The following SLCO6A1 variants were observed in gnomAD, a reference collection of about 807,000 sequenced individuals.
SLCO6A1 encodes the protein cancer/testis antigen 48.
SLCO6A1 carries 65 observed loss-of-function variants against 72.7 expected under a neutral mutation model. That is an observed-to-expected ratio of 0.89 (90% CI 0.73 to 1.10). The LOEUF (loss-of-function observed/expected upper bound fraction) is 1.10. Ranked by LOEUF, SLCO6A1 falls within the 50% of genes least tolerant of loss-of-function variation. The pLI, the probability that SLCO6A1 is intolerant of heterozygous loss-of-function variation, is 0.00. For synonymous variants in SLCO6A1, 314 were observed against 298.2 expected (o/e 1.05, Z -0.55); for missense variants, 874 against 872.6 (o/e 1.00, Z -0.02).
chr5:102,415,019 GA>G (rs1748205824), intron 8 of SLCO6A1, among the ~76,000 whole-genome samples: 1 of 151,862 alleles, frequency 6.6e-6, no homozygotes, highest in Non-Finnish European at 1.5e-5. Context: ...CAAGGTGAAA[GA>G]TCTCTATAAG....
rs773882296 is a variant in SLCO6A1 at position 102,458,372 on chromosome 5, T to G, written c.1131+10A>C. On this transcript the variant is annotated intron_variant, in intron 6 of 13. Transcript: ENST00000506729. ...TAGTTGGATTGTTCAAGTAAAATATTTTACTTTACCCAAAGAGCAGCACAT... is the reference window on the plus strand; with the variant it reads ...TAGTTGGATTGTTCAAGTAAAATATGTTACTTTACCCAAAGAGCAGCACAT... 6.3e-7 allele frequency: 1 copy of G among 1,579,200 alleles called. No homozygotes were observed. Among genetic ancestry groups the G allele is most frequent in the Non-Finnish European group, 8.7e-7 (1 of 1,155,348 alleles).
intron 6 of SLCO6A1, among the ~76,000 whole-genome samples, chr5:102,442,769 A>G (rs1165081473): frequency 6.6e-6 from 1 of 152,238 alleles, no homozygotes; most frequent in East Asian, 1.9e-4. Flanking sequence ...ATTCATAAAG[A>G]AATGAGACAA....
intron 4 of SLCO6A1, among the ~76,000 whole-genome samples, chr5:102,472,071 T>C (rs2112803770): frequency 6.6e-6 from 1 of 152,172 alleles, no homozygotes; most frequent in South Asian, 2.1e-4. Flanking sequence ...TGACTCTCAG[T>C]GGCAAAACCC....
At position 102,407,331 on chromosome 5, in the gene SLCO6A1, C is replaced by T. The variant is rs1160321880; in HGVS notation, c.1626+5659G>A. 2.6e-5 allele frequency among the ~76,000 whole-genome samples: 4 copies of T among 152,106 alleles called. No individual in the cohort carries two copies. The East Asian group carries it at 7.7e-4, about 29-fold the overall frequency. On this transcript the variant is annotated intron_variant, in intron 9 of 13. Coordinates refer to ENST00000506729, the MANE Select transcript of SLCO6A1 (RefSeq NM_173488.5). ...AGTGGATATAAATATACCTGCAGACCGGCCTCTGAGCTGTTACTGTGGGCA... is the reference window on the plus strand; with the variant it reads ...AGTGGATATAAATATACCTGCAGACTGGCCTCTGAGCTGTTACTGTGGGCA...
chr5:102,448,678 T>C (rs1311634913), intron 6 of SLCO6A1, among the ~76,000 whole-genome samples: 1 of 152,162 alleles, frequency 6.6e-6, no homozygotes, highest in African/African-American at 2.4e-5. Context: ...TCGTCTGAAA[T>C]AAGAATAGCA....
chr5:102,437,877 T>C lies in SLCO6A1; in HGVS notation c.1276+740A>G, dbSNP rs530522249. 2.6e-5 allele frequency among the ~76,000 whole-genome samples: 4 copies of C among 152,278 alleles called. No homozygotes were observed. The South Asian group carries it at 8.3e-4, about 32-fold the overall frequency. ...ATCCTTGACCTTTTACACCCTAAAA[T>C]AAATCATTGCATTTACAACTTTCCT... On this transcript the variant is annotated intron_variant, in intron 7 of 13. Transcript: ENST00000506729.
intron 7 of SLCO6A1, among the ~76,000 whole-genome samples, chr5:102,427,858 ATATATATTTTTTT>A (rs1407708799): frequency 3.9e-4 from 45 of 116,168 alleles, no homozygotes; most frequent in African/African-American, 1.9e-3. Flanking sequence ...ATATATATAT[ATATATATTTTTTT>A]TTTTTTTTTT....
chr5:102,420,468 G>A (rs1184243450), intron 7 of SLCO6A1, among the ~76,000 whole-genome samples: 1 of 151,970 alleles, frequency 6.6e-6, no homozygotes, highest in Non-Finnish European at 1.5e-5. Context: ...ATGAATGAAC[G>A]TTCAATATTA....
chr5:102,429,307 A>C (rs1749083365), intron 7 of SLCO6A1, among the ~76,000 whole-genome samples: 1 of 152,160 alleles, frequency 6.6e-6, no homozygotes, highest in Non-Finnish European at 1.5e-5. Context: ...CTTAAGTTTA[A>C]TTAGATCCCA....
At chr5:102,428,223 A>C (rs1749024733) in intron 7 of SLCO6A1, among the ~76,000 whole-genome samples, 1 of 152,026 alleles carries the variant, frequency 6.6e-6, no homozygotes, top group Non-Finnish European at 1.5e-5. Flanking sequence ...TTCAAAAAAT[A>C]GTTCTTGAAA....
At chr5:102,489,986 C>A (rs934646521) in intron 1 of SLCO6A1, among the ~76,000 whole-genome samples, 1 of 152,096 alleles carries the variant, frequency 6.6e-6, no homozygotes, top group Non-Finnish European at 1.5e-5. Context: ...ATAAGCCAGA[C>A]ATGGAAAGAC....
At chr5:102,389,798 ACTGTTAGACTT>A (rs1481823268) in intron 11 of SLCO6A1, among the ~76,000 whole-genome samples, 3 of 151,844 alleles carry the variant, frequency 2.0e-5, no homozygotes, top group Non-Finnish European at 4.4e-5. Context: ...CTTTAATATA[ACTGTTAGACTT>A]CAGCAAAAGC....
chr5:102,446,185 G>A (rs1359087076), intron 6 of SLCO6A1, among the ~76,000 whole-genome samples: 1 of 152,084 alleles, frequency 6.6e-6, no homozygotes, highest in Non-Finnish European at 1.5e-5. Flanking sequence ...TAACTATATT[G>A]ATTCTTCCTA....
chr5:102,421,083 G>A (rs140745379), intron 7 of SLCO6A1, among the ~76,000 whole-genome samples: 2,404 of 152,222 alleles, frequency 0.016, 45 homozygotes, highest in African/African-American at 0.041. Flanking sequence ...GGTGCTATCC[G>A]GCCCAGATAC....
chr5:102,412,484 G>A (rs766370738), intron 9 of SLCO6A1, among the ~76,000 whole-genome samples: 9 of 151,956 alleles, frequency 5.9e-5, no homozygotes, highest in Non-Finnish European at 1.2e-4. Context: ...TGCCAGGCAC[G>A]GTGACTCACA....
At chr5:102,374,777 T>G (rs914945053) in intron 12 of SLCO6A1, among the ~76,000 whole-genome samples, 9 of 152,164 alleles carry the variant, frequency 5.9e-5, no homozygotes, top group African/African-American at 1.4e-4. Context: ...TAAATTATTC[T>G]CTTTAGGGTA....
intron 12 of SLCO6A1, among the ~76,000 whole-genome samples, chr5:102,386,390 G>T (rs769825020): frequency 6.6e-6 from 1 of 152,188 alleles, no homozygotes; most frequent in African/African-American, 2.4e-5. Context: ...GGTGGGCCTT[G>T]TTTCTGCATC....
At chr5:102,395,439 A>G (rs986163461) in intron 10 of SLCO6A1, among the ~76,000 whole-genome samples, 15 of 152,094 alleles carry the variant, frequency 9.9e-5, no homozygotes, top group South Asian at 2.1e-4. Context: ...CCAGTCTATC[A>G]TTGTTGAACA....
intron 2 of SLCO6A1, among the ~76,000 whole-genome samples, chr5:102,478,255 T>C (rs1021343478): frequency 4.7e-5 from 7 of 148,478 alleles, no homozygotes; most frequent in African/African-American, 1.2e-4. Flanking sequence ...ATTGTATATA[T>C]GTGTGCATAA....
Sources: gnomAD v4.1 joint callset for allele counts (sites outside exome capture counted in the v4.1 genomes callset) on GRCh38, gnomAD v4.1.1 for gene constraint, MANE v1.5 for transcripts, NCBI Gene and HGNC (gene_info 2026-07-23, HGNC 2026-07-21) for gene names.